The following SLC5A11 variants were observed in gnomAD, a reference collection of about 807,000 sequenced individuals.
The protein encoded by SLC5A11 is sodium/myo-inositol cotransporter 2.
In SLC5A11, 48 loss-of-function variants were observed where a neutral mutation model predicts 69.8. The ratio of observed to expected loss-of-function variants is 0.69; its 90% CI spans 0.55 to 0.87. The LOEUF (loss-of-function observed/expected upper bound fraction) is 0.87, where lower values mean the gene tolerates loss of function less well. Ranked by LOEUF, SLC5A11 falls within the 40% of genes least tolerant of loss-of-function variation. The pLI, the probability that SLC5A11 is intolerant of heterozygous loss-of-function variation, is 0.00. For synonymous variants in SLC5A11, 319 were observed against 342.4 expected, an observed-to-expected ratio of 0.93 and a Z score of 0.75; for missense variants, 784 against 866.1, an observed-to-expected ratio of 0.91 and a Z score of 1.19.
Position 24,875,618 on chromosome 16 carries a change from G to C in SLC5A11, c.373-9G>C. 6.2e-7 allele frequency: 1 copy of C among 1,611,808 alleles called. No individual in the cohort carries two copies. Among genetic ancestry groups the C allele is most frequent in the Non-Finnish European group, 8.5e-7 (1 of 1,178,968 alleles). ...CCGCTGGTGGTGAAATCTCAGCTCT[G>C]GCCCTCAGGTCACCACGATGCCAGA... On this transcript the variant is annotated splice_polypyrimidine_tract_variant and intron_variant, in intron 5 of 15. Transcript: ENST00000347898.
At chr16:24,902,822 G>A (rs1313242401) in intron 10 of SLC5A11, among the ~76,000 whole-genome samples, 1 of 152,034 alleles carries the variant, frequency 6.6e-6, no homozygotes, top group Non-Finnish European at 1.5e-5. Flanking sequence ...TACAGGCGTG[G>A]GCCACCGTGT....
chr16:24,909,426 G>A lies in SLC5A11; in HGVS notation c.1650+330G>A, dbSNP rs566013108. On this transcript the variant is annotated intron_variant, in intron 14 of 15. Transcript: ENST00000347898. The stretch of plus-strand genomic sequence containing the variant: ...AAGCTGAGATGGGAGGATCACTTGA[G>A]GCCAGGAGTTTGAGACCAGCCTGGG... Among the ~76,000 whole-genome samples, 5 of 152,144 alleles carry A rather than the reference G, an allele frequency of 3.3e-5. No homozygotes were observed. In the East Asian group the frequency reaches 9.7e-4, roughly 29 times the overall value.
chr16:24,874,505 T>A lies in SLC5A11; in HGVS notation c.373-1122T>A, dbSNP rs999410120. Reference sequence around the variant, plus strand: ...AGCGTATCCTTGGTTACATTTTATATTCTCCAACTTAAAGATTCTTGCGAA... The same window carrying A: ...AGCGTATCCTTGGTTACATTTTATAATCTCCAACTTAAAGATTCTTGCGAA... On this transcript the variant is annotated intron_variant, in intron 5 of 15. Coordinates refer to ENST00000347898, the Ensembl canonical transcript of SLC5A11. Among the ~76,000 whole-genome samples the A allele has an allele frequency of 3.9e-5, 6 of 152,352 alleles. 1 individual carries two copies. Among genetic ancestry groups the A allele is most frequent in the Admixed American group, 1.3e-4 (2 of 15,296 alleles).
chr16:24,883,132 A>C (rs1418170678), intron 7 of SLC5A11, among the ~76,000 whole-genome samples: 1 of 152,212 alleles, frequency 6.6e-6, no homozygotes, highest in Non-Finnish European at 1.5e-5. Flanking sequence ...TGGGAGGCCG[A>C]GGCAGGAGGA....
At chr16:24,910,592 G>A (rs190124453) in intron 15 of SLC5A11, 115 bp downstream of exon 16, 807 of 1,152,318 alleles carry the variant, frequency 7.0e-4, no homozygotes, top group Non-Finnish European at 9.1e-4. Context: ...TGGAGTTTTA[G>A]CATCCTCTGG....
chr16:24,905,899 C>T lies in SLC5A11; in HGVS notation c.1007-758C>T, dbSNP rs150761527. Among the ~76,000 whole-genome samples the T allele has an allele frequency of 6.1e-3, 922 of 152,012 alleles. 4 individuals are homozygous for T. Among genetic ancestry groups the T allele is most frequent in the Middle Eastern group, 0.027 (8 of 294 alleles). ...AAATGAGGTGTATGTACAAAGCTTA[C>T]TGCAGCTCCTGAGTCATAGTAAACC... On this transcript the variant is annotated intron_variant, in intron 10 of 15. Transcript: ENST00000347898.
intron 8 of SLC5A11, among the ~76,000 whole-genome samples, chr16:24,886,610 G>C (rs1456322114): frequency 6.6e-6 from 1 of 152,170 alleles, no homozygotes; most frequent in African/African-American, 2.4e-5. Flanking sequence ...AGGGTTTGCT[G>C]TGTCTTAGGC....
chr16:24,858,498 C>A, intron 1 of SLC5A11, 122 bp from the exon 3 acceptor site: 1 of 732,188 alleles, frequency 1.4e-6, no homozygotes, highest in Non-Finnish European at 2.1e-6. Context: ...GAAGATCTGT[C>A]TTCCACCACA....
At chr16:24,869,416 G>A (rs917365365) in intron 3 of SLC5A11, among the ~76,000 whole-genome samples, 5 of 152,152 alleles carry the variant, frequency 3.3e-5, no homozygotes, top group Admixed American at 2.6e-4. Flanking sequence ...GTTGAGACCA[G>A]GGAGACCAGG....
At chr16:24,855,163 A>G in intron 1 of SLC5A11, among the ~76,000 whole-genome samples, 1 of 152,036 alleles carries the variant, frequency 6.6e-6, no homozygotes, top group East Asian at 1.9e-4. Flanking sequence ...TCCCTCTGCT[A>G]TGATCTGATT....
chr16:24,871,014 T>C (rs1200250804), intron 4 of SLC5A11, among the ~76,000 whole-genome samples: 2 of 152,046 alleles, frequency 1.3e-5, no homozygotes, highest in African/African-American at 4.8e-5. Flanking sequence ...TGGGATATGA[T>C]TTTTACTGGG....
intron 9 of SLC5A11, 144 bp from the exon 11 acceptor site, chr16:24,897,829 GC>G (rs2049287536): frequency 1.1e-5 from 11 of 990,752 alleles, no homozygotes; most frequent in Non-Finnish European, 1.7e-5. Context: ...GGAGGAAACT[GC>G]CCCCATGATT....
intron 5 of SLC5A11, among the ~76,000 whole-genome samples, chr16:24,874,847 T>C (rs201645884): frequency 6.6e-6 from 1 of 151,970 alleles, no homozygotes; most frequent in Non-Finnish European, 1.5e-5. Context: ...TCCCAAAGTG[T>C]TGGGATTACA....
At chr16:24,858,998 T>A (rs1183482221) in intron 2 of SLC5A11, among the ~76,000 whole-genome samples, 1 of 152,230 alleles carries the variant, frequency 6.6e-6, no homozygotes, top group Non-Finnish European at 1.5e-5. Flanking sequence ...ATTTCTCATG[T>A]AATTTTCACA....
At chr16:24,879,759 TAAAC>T (rs1244192292) in intron 7 of SLC5A11, among the ~76,000 whole-genome samples, 3 of 151,972 alleles carry the variant, frequency 2.0e-5, no homozygotes, top group Non-Finnish European at 4.4e-5. Context: ...AAAAAGAAAA[TAAAC>T]AAATAAGTGA....
At chr16:24,878,814 C>T (rs1597131134) in intron 7 of SLC5A11, among the ~76,000 whole-genome samples, 1 of 152,292 alleles carries the variant, frequency 6.6e-6, no homozygotes, top group East Asian at 1.9e-4. Flanking sequence ...GGGTGGATCA[C>T]CTGAGATCAG....
At chr16:24,909,655 A>AAG (rs2050350851) in intron 14 of SLC5A11, among the ~76,000 whole-genome samples, 1 of 142,420 alleles carries the variant, frequency 7.0e-6, no homozygotes, top group Non-Finnish European at 1.5e-5. Context: ...AAAAAAAAAA[A>AAG]AAAAAAAAAA....
chr16:24,890,980 A>C lies in SLC5A11; in HGVS notation c.776A>C (p.His259Pro), dbSNP rs966595669. 3 of 1,614,056 alleles carry C rather than the reference A, an allele frequency of 1.9e-6. No individual in the cohort carries two copies. Among genetic ancestry groups the C allele is most frequent in the African/African-American group, 1.3e-5 (1 of 74,904 alleles). The change falls in exon 9 of 16, where the codon CAT (histidine) becomes CCT (proline). Residue 259 changes from histidine (H) to proline (P), a missense_variant. Around this residue, in one of 3 missense-constraint regions of SLC5A11, gnomAD observed 550 missense variants for 606.4 expected, o/e 0.91. Transcript: ENST00000347898. ...GGGCTGCCCCGGGAAGATGCCTTCC[A>C]TATTTTCCGAGATCCGCTGACATCT...
chr16:24,883,817 G>A (rs922863262), intron 7 of SLC5A11, among the ~76,000 whole-genome samples: 8 of 152,228 alleles, frequency 5.3e-5, no homozygotes, highest in Admixed American at 1.3e-4. Context: ...AAGTCACGTG[G>A]CCAAGCCCAT....
Sources: gnomAD v4.1 joint callset for allele counts (sites outside exome capture counted in the v4.1 genomes callset) on GRCh38, gnomAD v4.1.1 for gene constraint, gnomAD v4.1.1 regional missense constraint, MANE v1.5 for transcripts, NCBI Gene and HGNC (gene_info 2026-07-23, HGNC 2026-07-21) for gene names.